KPNA6: variants seen among roughly 807,000 people sequenced by gnomAD.
KPNA6 encodes the protein importin subunit alpha-7.
KPNA6 carries 9 observed loss-of-function variants against 72.0 expected under a neutral mutation model. The ratio of observed to expected loss-of-function variants is 0.13; its 90% CI spans 0.08 to 0.22. The LOEUF (loss-of-function observed/expected upper bound fraction) is 0.22, where lower values mean the gene tolerates loss of function less well. Among genes scored for constraint, KPNA6 ranks in the 10% least tolerant of loss-of-function variants. KPNA6 has a pLI of 1.00. For synonymous variants in KPNA6, 219 were observed against 242.1 expected, an observed-to-expected ratio of 0.90 and a Z score of 0.89; for missense variants, 374 against 655.7, an observed-to-expected ratio of 0.57 and a Z score of 4.69.
At position 32,116,738 on chromosome 1, in the gene KPNA6, G is replaced by A. The variant is rs370613436; in HGVS notation, c.4+8604G>A. The stretch of plus-strand genomic sequence containing the variant: ...TCACCATATCTTGGCTTTTTGACAT[G>A]CCTTCCTCACTAAGCTTAATCATTT... On this transcript the variant is annotated intron_variant, in intron 1 of 13. Coordinates refer to ENST00000373625, the MANE Select transcript of KPNA6 (RefSeq NM_012316.5). Among the ~76,000 whole-genome samples, 7 of 152,248 alleles carry A rather than the reference G, an allele frequency of 4.6e-5. No individual in the cohort carries two copies. In the East Asian group the frequency reaches 7.7e-4, roughly 17 times the overall value.
At chr1:32,168,189 G>C (rs913636101) in intron 12 of KPNA6, among the ~76,000 whole-genome samples, 4 of 152,358 alleles carry the variant, frequency 2.6e-5, no homozygotes, top group Admixed American at 6.5e-5. Flanking sequence ...CAGCTTCTTT[G>C]AGAAATTAAT....
intron 13 of KPNA6, among the ~76,000 whole-genome samples, 170 bp downstream of exon 13, chr1:32,170,230 C>T (rs558733995): frequency 2.6e-4 from 39 of 152,314 alleles, no homozygotes; most frequent in African/African-American, 9.1e-4. Flanking sequence ...CCAAGTTTCA[C>T]CATCCACAGG....
chr1:32,109,922 T>A (rs1018476787), intron 1 of KPNA6, among the ~76,000 whole-genome samples: 3 of 152,104 alleles, frequency 2.0e-5, no homozygotes. Flanking sequence ...TCCAAAGTGC[T>A]GAGATTACAA....
chr1:32,144,355 G>C (rs982252828), intron 1 of KPNA6, among the ~76,000 whole-genome samples: 1 of 152,148 alleles, frequency 6.6e-6, no homozygotes, highest in Admixed American at 6.5e-5. Flanking sequence ...TAAAACTTAT[G>C]AATTGTTTTT....
At chr1:32,165,467 T>C (rs1642315232) in intron 10 of KPNA6, among the ~76,000 whole-genome samples, 1 of 151,410 alleles carries the variant, frequency 6.6e-6, no homozygotes, top group Non-Finnish European at 1.5e-5. Context: ...GGCAGGAGGA[T>C]CACTTGAGCC....
At chr1:32,160,419 A>G (rs954436201) in intron 6 of KPNA6, among the ~76,000 whole-genome samples, 196 bp from the exon 7 acceptor site, 2 of 152,168 alleles carry the variant, frequency 1.3e-5, no homozygotes, top group Non-Finnish European at 2.9e-5. Context: ...CTGAACCAGG[A>G]ACTCCCAGGG....
Position 32,154,734 on chromosome 1 carries a change from G to A in KPNA6, c.138+13G>A, listed in dbSNP as rs1252319303. The A allele has an allele frequency of 1.9e-6, 3 of 1,613,544 alleles. No homozygotes were observed. Among genetic ancestry groups the A allele is most frequent in the Non-Finnish European group, 2.5e-6 (3 of 1,179,772 alleles). On this transcript the variant is annotated intron_variant, in intron 2 of 13. Transcript: ENST00000373625. ...GCGAGAGCAACAAGTGAGTTAATGGGAGTATTCTCAAACATACTATTCTGG... is the reference window on the plus strand; with the variant it reads ...GCGAGAGCAACAAGTGAGTTAATGGAAGTATTCTCAAACATACTATTCTGG...
intron 1 of KPNA6, among the ~76,000 whole-genome samples, chr1:32,146,151 C>T (rs747132653): frequency 6.6e-6 from 1 of 152,150 alleles, no homozygotes; most frequent in East Asian, 1.9e-4. Flanking sequence ...TGTTACTTAT[C>T]GATCTTCTGT....
rs1268472743 is a variant in KPNA6 at position 32,173,220 on chromosome 1, A to C, written c.*2326A>C. The C allele has an allele frequency of 7.8e-6, 3 of 385,814 alleles. No individual in the cohort carries two copies. Among genetic ancestry groups the C allele is most frequent in the Non-Finnish European group, 1.4e-5 (3 of 221,094 alleles). The allele number at this position is 385,814 out of a possible 1,614,324, so 23.9% of individuals were successfully genotyped here. A position where few individuals can be genotyped will look rare whatever the true frequency, so the allele number is the denominator to read the frequency against. On this transcript the variant is annotated 3_prime_UTR_variant, in exon 14 of 14. Coordinates refer to ENST00000373625, the MANE Select transcript of KPNA6 (RefSeq NM_012316.5). ...GCCTTCCCCTACCCAACCTCCGCCC[A>C]TTGTTCTCTTCCAAAGGGCAATTTA... is the stretch of plus-strand genomic sequence containing the variant.
Position 32,119,032 on chromosome 1 carries a change from A to ATATATT in KPNA6, c.4+10899_4+10900insATATTT, listed in dbSNP as rs1167325052. ...TATATATATATATATATATATATATATTTTTTTTTTTTTTTTTGAGAGAGA... is the reference window on the plus strand; with the variant it reads ...TATATATATATATATATATATATATATATATTTTTTTTTTTTTTTTTTTGAGAGAGA... On this transcript the variant is annotated intron_variant, in intron 1 of 13. Coordinates refer to ENST00000373625, the MANE Select transcript of KPNA6 (RefSeq NM_012316.5). Among the ~76,000 whole-genome samples, 190 of 40,250 alleles carry ATATATT rather than the reference A, an allele frequency of 4.7e-3. 1 individual carries two copies. Among genetic ancestry groups the ATATATT allele is most frequent in the Admixed American group, 5.9e-3 (11 of 1,862 alleles). 26.4% of individuals were successfully genotyped at this position (40,250 alleles called of 152,430 possible).
intron 1 of KPNA6, among the ~76,000 whole-genome samples, chr1:32,153,896 C>T (rs554281545): frequency 6.2e-4 from 94 of 152,134 alleles, no homozygotes; most frequent in Non-Finnish European, 8.2e-4. Context: ...CCTATAGTCC[C>T]AGCACTTTGG....
chr1:32,160,895 G>A (rs899468866), intron 7 of KPNA6, among the ~76,000 whole-genome samples, 192 bp downstream of exon 7: 3 of 152,206 alleles, frequency 2.0e-5, no homozygotes, highest in Admixed American at 2.0e-4. Flanking sequence ...GGTGGCTTAT[G>A]CCTGTAATCC....
chr1:32,126,546 GGCT>G (rs1245822775), intron 1 of KPNA6, among the ~76,000 whole-genome samples: 1 of 151,942 alleles, frequency 6.6e-6, no homozygotes, highest in African/African-American at 2.4e-5. Flanking sequence ...CACTACACCT[GGCT>G]AATTTTTGTA....
At chr1:32,130,591 C>T (rs1163502277) in intron 1 of KPNA6, among the ~76,000 whole-genome samples, 1 of 151,294 alleles carries the variant, frequency 6.6e-6, no homozygotes, top group Non-Finnish European at 1.5e-5. Context: ...TTTGAGACTG[C>T]CCTGGCCAAC....
At chr1:32,137,529 T>G (rs1219925198) in intron 1 of KPNA6, among the ~76,000 whole-genome samples, 1 of 152,174 alleles carries the variant, frequency 6.6e-6, no homozygotes, top group East Asian at 1.9e-4. Flanking sequence ...CTTGTTTTAT[T>G]TATATTTCAT....
intron 1 of KPNA6, among the ~76,000 whole-genome samples, chr1:32,138,890 T>G (rs930116841): frequency 1.3e-5 from 2 of 152,200 alleles, no homozygotes; most frequent in Non-Finnish European, 2.9e-5. Context: ...TCTTGTGTCC[T>G]GTAGTTTTTA....
intron 1 of KPNA6, among the ~76,000 whole-genome samples, chr1:32,125,669 G>A (rs927467544): frequency 2.0e-5 from 3 of 152,118 alleles, no homozygotes; most frequent in Admixed American, 6.6e-5. Flanking sequence ...CTCCCTCGCC[G>A]ACAAACCTAT....
At chr1:32,115,198 C>T (rs1200360760) in intron 1 of KPNA6, among the ~76,000 whole-genome samples, 1 of 150,958 alleles carries the variant, frequency 6.6e-6, no homozygotes, top group Non-Finnish European at 1.5e-5. Context: ...TGCAGTGGCG[C>T]GACCTCAGCT....
rs1642330871 is a variant in KPNA6, at chr1:32,166,036, C to CAACA, written c.991-67_991-66insCAAA. On this transcript the variant is annotated intron_variant, in intron 10 of 13. Coordinates refer to ENST00000373625, the MANE Select transcript of KPNA6 (RefSeq NM_012316.5). ...AAAACAACAACAACAACAACAACAA[C>CAACA]AAAAAAACATAAAAAAAATTAAAAA... The CAACA allele has an allele frequency of 2.8e-6, 4 of 1,437,348 alleles. No individual in the cohort carries two copies. In the African/African-American group the frequency reaches 4.5e-5, roughly 16 times the overall value. 89.0% of individuals were successfully genotyped at this position (1,437,348 alleles called of 1,614,324 possible).
Sources: allele counts gnomAD v4.1 joint callset (sites outside exome capture counted in the v4.1 genomes callset), GRCh38; gene constraint gnomAD v4.1.1; transcripts MANE v1.5; gene names NCBI Gene and HGNC (gene_info 2026-07-23, HGNC 2026-07-21).